Variants in MARK2 observed in about 807,000 individuals in gnomAD.
MARK2 encodes the protein microtubule affinity regulating kinase 2, also known as serine/threonine-protein kinase MARK2.
A neutral mutation model predicts 89.8 loss-of-function variants in MARK2; 16 were observed. The observed-to-expected ratio is 0.18, with a 90% CI of 0.12 to 0.27. The LOEUF is 0.27. Ranked by LOEUF, MARK2 falls within the 10% of genes least tolerant of loss-of-function variation. The pLI, the probability that MARK2 is intolerant of heterozygous loss-of-function variation, is 1.00. For missense variants in MARK2, 621 were observed against 1,049.9 expected (o/e 0.59, Z 5.65); for synonymous variants, 382 against 399.5 (o/e 0.96, Z 0.52).
chr11:63,888,926 T>C (rs1351646559), intron 1 of MARK2: 5 of 1,351,162 alleles, frequency 3.7e-6, no homozygotes, highest in Non-Finnish European at 4.9e-6. Context: ...CTCTGCTGAA[T>C]GGAAGTCGCT....
chr11:63,893,414 G>A (rs1228498000), intron 1 of MARK2, among the ~76,000 whole-genome samples: 5 of 36,994 alleles, frequency 1.4e-4, no homozygotes, highest in East Asian at 3.4e-3. Context: ...AATATTCCCC[G>A]GTAAGGATAT....
At chr11:63,898,179 G>A in intron 3 of MARK2, 53 bp from the exon 4 acceptor site, 1 of 1,504,272 alleles carries the variant, frequency 6.6e-7, no homozygotes, top group Non-Finnish European at 9.3e-7. Flanking sequence ...TGTTTGGAGA[G>A]ACCTGATGGG....
At chr11:63,847,409 C>G (rs1019374029) in intron 1 of MARK2, among the ~76,000 whole-genome samples, 1 of 152,134 alleles carries the variant, frequency 6.6e-6, no homozygotes, top group African/African-American at 2.4e-5. Flanking sequence ...GAGAGGAGGG[C>G]TGTGTTCAGT....
At chr11:63,868,371 T>C (rs1428736244) in intron 1 of MARK2, 1 of 155,342 alleles carries the variant, frequency 6.4e-6, no homozygotes, top group Non-Finnish European at 1.4e-5. Context: ...ATGGGTATTC[T>C]CCATTACAGT....
chr11:63,887,698 C>T (rs1272975827), intron 1 of MARK2, among the ~76,000 whole-genome samples: 1 of 149,144 alleles, frequency 6.7e-6, no homozygotes, highest in Non-Finnish European at 1.5e-5. Context: ...AAGGCTGCAA[C>T]CAGCACATAG....
At chr11:63,897,724 T>G (rs563476871) in intron 3 of MARK2, among the ~76,000 whole-genome samples, 1 of 152,198 alleles carries the variant, frequency 6.6e-6, no homozygotes, top group African/African-American at 2.4e-5. Flanking sequence ...AGTGGCTTCT[T>G]CTGTCACCAC....
chr11:63,849,762 A>G (rs1039964189), intron 1 of MARK2, among the ~76,000 whole-genome samples: 6 of 152,134 alleles, frequency 3.9e-5, no homozygotes, highest in Admixed American at 3.3e-4. Flanking sequence ...CAAACAAACA[A>G]TAAGAGCAGG....
At chr11:63,848,581 C>T (rs1345951906) in intron 1 of MARK2, among the ~76,000 whole-genome samples, 14 of 147,448 alleles carry the variant, frequency 9.5e-5, no homozygotes, top group African/African-American at 3.5e-4. Context: ...GACAGGGTCT[C>T]GCTCTGTCGC....
chr11:63,850,315 A>ATTTTTTTTTTTTTTTT (rs34074167), intron 1 of MARK2, among the ~76,000 whole-genome samples: 2 of 95,752 alleles, frequency 2.1e-5, no homozygotes, highest in Non-Finnish European at 3.9e-5. Flanking sequence ...TACCTGGCTA[A>ATTTTTTTTTTTTTTTT]TTTTTTTTTT....
intron 1 of MARK2, among the ~76,000 whole-genome samples, chr11:63,847,199 C>G (rs986366860): frequency 1.3e-4 from 20 of 152,332 alleles, no homozygotes; most frequent in Non-Finnish European, 2.6e-4. Context: ...CTTATTTCCC[C>G]CTACTTGCAG....
chr11:63,891,529 AGATTTGGT>A (rs1339482441), intron 1 of MARK2, among the ~76,000 whole-genome samples: 4 of 152,248 alleles, frequency 2.6e-5, no homozygotes, highest in African/African-American at 9.6e-5. Flanking sequence ...TGGGATGCCC[AGATTTGGT>A]CTCAGTTGGC....
chr11:63,903,355 T>C lies in MARK2; in HGVS notation c.1514+197T>C. On this transcript the variant is annotated intron_variant, in intron 14 of 18. Transcript: ENST00000402010. The surrounding 1 kb of genome is among the most constrained non-coding windows in gnomAD (Gnocchi z 5.1). ...CTCCTCCCCATCTTCCTCTGACTGCTACTTGCAGTTTGCCAAGTGTGGGGC... is the reference window on the plus strand; with the variant it reads ...CTCCTCCCCATCTTCCTCTGACTGCCACTTGCAGTTTGCCAAGTGTGGGGC... The C allele has an allele frequency of 1.7e-6, 1 of 582,276 alleles. No individual in the cohort carries two copies. Among genetic ancestry groups the C allele is most frequent in the Non-Finnish European group, 3.1e-6 (1 of 324,258 alleles). 36.1% of individuals were successfully genotyped at this position (582,276 alleles called of 1,614,324 possible).
At chr11:63,845,897 A>G (rs569223890) in intron 1 of MARK2, among the ~76,000 whole-genome samples, 1 of 151,986 alleles carries the variant, frequency 6.6e-6, no homozygotes, top group South Asian at 2.1e-4. Context: ...CACTTTTTGT[A>G]TTTTTAGTAG....
intron 1 of MARK2, among the ~76,000 whole-genome samples, chr11:63,894,528 C>G (rs1940196101): frequency 1.3e-5 from 2 of 152,122 alleles, no homozygotes; most frequent in South Asian, 4.1e-4. Flanking sequence ...GAAACCCTAT[C>G]TCTATTGAAA....
chr11:63,871,484 T>A (rs1041921871), intron 1 of MARK2, among the ~76,000 whole-genome samples: 1 of 150,782 alleles, frequency 6.6e-6, no homozygotes, highest in Admixed American at 6.6e-5. Flanking sequence ...CAGGTGTGGC[T>A]GAAGAGTATT....
At chr11:63,854,186 CTGTGTGTGTGTGTGTGTGTG>C (rs55689743) in intron 1 of MARK2, among the ~76,000 whole-genome samples, 17 of 141,668 alleles carry the variant, frequency 1.2e-4, no homozygotes, top group African/African-American at 1.6e-4. Flanking sequence ...ACTATTAATT[CTGTGTGTGTGTGTGTGTGTG>C]TGTGTGTGTG....
Position 63,861,924 on chromosome 11 carries a change from C to CT in MARK2, c.54+22380dup, listed in dbSNP as rs71039682. Among the ~76,000 whole-genome samples, 238 of 97,662 alleles carry CT rather than the reference C, an allele frequency of 2.4e-3. 1 individual carries two copies. The highest frequency in any genetic ancestry group is 0.01 in the African/African-American group (229 of 22,808). The allele number at this position is 97,662 out of a possible 152,430, so 64.1% of individuals were successfully genotyped here. A position where few individuals can be genotyped will look rare whatever the true frequency, so the allele number is the denominator to read the frequency against. Reference sequence around the variant, plus strand: ...GCCTGGCTAATTTCTTTCTTTCTTTCTTTTTTTTTTTTTTTTGAGACGGTG... The same window carrying CT: ...GCCTGGCTAATTTCTTTCTTTCTTTCTTTTTTTTTTTTTTTTTGAGACGGTG... On this transcript the variant is annotated intron_variant, in intron 1 of 18. Coordinates refer to ENST00000402010, the MANE Select transcript of MARK2 (RefSeq NM_001039469.3).
At chr11:63,852,777 T>A (rs529520984) in intron 1 of MARK2, among the ~76,000 whole-genome samples, 1 of 152,268 alleles carries the variant, frequency 6.6e-6, no homozygotes, top group East Asian at 1.9e-4. Context: ...GACAGAACAT[T>A]TTCATGTAGT....
chr11:63,909,499 TG>T lies in MARK2; in HGVS notation c.*269del, dbSNP rs1012419332. 6.8e-5 allele frequency: 25 copies of T among 365,090 alleles called. No individual in the cohort carries two copies. Among genetic ancestry groups the T allele is most frequent in the Non-Finnish European group, 1.1e-4 (22 of 203,142 alleles). The allele number at this position is 365,090 out of a possible 1,614,324, so 22.6% of individuals were successfully genotyped here. A position where few individuals can be genotyped will look rare whatever the true frequency, so the allele number is the denominator to read the frequency against. On this transcript the variant is annotated 3_prime_UTR_variant, in exon 19 of 19. Coordinates refer to ENST00000402010, the MANE Select transcript of MARK2 (RefSeq NM_001039469.3). ...GGAGGCAAAGGAAGGGGAGGGTGGA[TG>T]GGGGGGCAGGGCTCCCCCTCGGTAC... is the stretch of plus-strand genomic sequence containing the variant.
Sources: gnomAD v4.1 joint callset for allele counts (sites outside exome capture counted in the v4.1 genomes callset) on GRCh38, gnomAD v4.1.1 for gene constraint, Gnocchi (gnomAD v3.1) non-coding constraint, MANE v1.5 for transcripts, NCBI Gene and HGNC (gene_info 2026-07-23, HGNC 2026-07-21) for gene names.